Variants in SLC7A14 observed in about 807,000 individuals in gnomAD.
SLC7A14 encodes solute carrier family 7 member 14.
A neutral mutation model predicts 60.2 loss-of-function variants in SLC7A14; 37 were observed. The ratio of observed to expected loss-of-function variants is 0.61; its 90% CI spans 0.47 to 0.81. The LOEUF (loss-of-function observed/expected upper bound fraction) is 0.81. Among genes scored for constraint, SLC7A14 ranks in the 30% least tolerant of loss-of-function variants. The probability of loss-of-function intolerance (pLI) is 0.00; values close to 1 mark genes in which losing one functional copy is unlikely to be tolerated. For missense variants in SLC7A14, 886 were observed against 982.7 expected (o/e 0.90, Z 1.32); for synonymous variants, 399 against 395.8 (o/e 1.01, Z -0.10).
intron 1 of SLC7A14, among the ~76,000 whole-genome samples, chr3:170,574,778 G>T (rs1201320870): frequency 6.6e-6 from 1 of 152,194 alleles, no homozygotes. Flanking sequence ...GAGCCTGAGA[G>T]TGGGAAATGC....
chr3:170,483,379 C>T lies in SLC7A14; in HGVS notation c.1050G>A (p.Leu350=), dbSNP rs770135616. Residue 350 remains leucine (L), a synonymous_variant, in exon 6 of 8, where the codon TTG becomes TTA. Coordinates refer to ENST00000231706, the MANE Select transcript of SLC7A14 (RefSeq NM_020949.3). ...TCGGCATCGGGAAGAGGGACCCCAG[C>T]AAGCTGACTGTCAGTCCTGCAACCG... The part of the protein sequence containing the change: ...IGSVAGLTVS[L]LGSLFPMPRV... 1 of 1,614,080 alleles carries T rather than the reference C, an allele frequency of 6.2e-7. No individual in the cohort carries two copies. Among genetic ancestry groups the T allele is most frequent in the African/African-American group, 1.3e-5 (1 of 74,918 alleles).
intron 1 of SLC7A14, among the ~76,000 whole-genome samples, chr3:170,546,171 T>A (rs780090625): frequency 1.3e-5 from 2 of 152,230 alleles, no homozygotes; most frequent in Non-Finnish European, 2.9e-5. Flanking sequence ...CAGCTGGAGA[T>A]GAAGACTCAC....
At chr3:170,583,776 T>C (rs1715300660) in intron 1 of SLC7A14, among the ~76,000 whole-genome samples, 1 of 152,216 alleles carries the variant, frequency 6.6e-6, no homozygotes, top group African/African-American at 2.4e-5. Flanking sequence ...TTCCATAATA[T>C]TGGAGCTGAA....
chr3:170,526,488 G>T (rs1307843827), intron 2 of SLC7A14, 145 bp downstream of exon 2: 2 of 940,206 alleles, frequency 2.1e-6, no homozygotes, highest in Non-Finnish European at 3.1e-6. Context: ...AACCTCCCTG[G>T]CAGTCAAGGC....
At chr3:170,546,648 C>T (rs1052944415) in intron 1 of SLC7A14, among the ~76,000 whole-genome samples, 1 of 152,200 alleles carries the variant, frequency 6.6e-6, no homozygotes, top group Non-Finnish European at 1.5e-5. Context: ...CTCCAAGCTG[C>T]CTCCTGGAGT....
chr3:170,526,431 GAA>G (rs35594669), intron 2 of SLC7A14, among the ~76,000 whole-genome samples, 200 bp downstream of exon 2: 12 of 137,090 alleles, frequency 8.8e-5, no homozygotes, highest in African/African-American at 1.1e-4. Flanking sequence ...AAAAGAAAAA[GAA>G]AAAAAAAAAA....
rs1327813437 is a variant in SLC7A14 at position 170,577,340 on chromosome 3, C to T, written c.-153+8571G>A. The stretch of plus-strand genomic sequence containing the variant: ...GTATCTAGAAAACCACAGAGGAGGC[C>T]GGGCGCGGTGGCTCACGCCTGTAAT... On this transcript the variant is annotated intron_variant, in intron 1 of 7. Coordinates refer to ENST00000231706, the MANE Select transcript of SLC7A14 (RefSeq NM_020949.3). Among the ~76,000 whole-genome samples, 8 of 152,068 alleles carry T rather than the reference C, an allele frequency of 5.3e-5. No individual in the cohort carries two copies. In the East Asian group the frequency reaches 5.8e-4, roughly 11 times the overall value.
chr3:170,525,834 C>T (rs1401197030), intron 2 of SLC7A14, among the ~76,000 whole-genome samples: 1 of 152,072 alleles, frequency 6.6e-6, no homozygotes, highest in Non-Finnish European at 1.5e-5. Context: ...GCGGGCGGAT[C>T]ACCTCAGCCT....
intron 1 of SLC7A14, among the ~76,000 whole-genome samples, chr3:170,574,871 C>T (rs1277716868): frequency 6.6e-6 from 1 of 152,210 alleles, no homozygotes; most frequent in Non-Finnish European, 1.5e-5. Flanking sequence ...AGTCACCGTA[C>T]TGCTTTTAAC....
At chr3:170,510,688 G>A (rs1712952302) in intron 2 of SLC7A14, among the ~76,000 whole-genome samples, 1 of 152,186 alleles carries the variant, frequency 6.6e-6, no homozygotes, top group Non-Finnish European at 1.5e-5. Flanking sequence ...AGGGTTATCT[G>A]TGCCCCAAGC....
intron 2 of SLC7A14, among the ~76,000 whole-genome samples, chr3:170,521,107 C>A (rs1045801609): frequency 6.6e-6 from 1 of 152,184 alleles, no homozygotes; most frequent in African/African-American, 2.4e-5. Context: ...GTAGATAAGA[C>A]CTTTTGGACA....
intron 3 of SLC7A14, 27 bp downstream of exon 3, chr3:170,501,082 G>A (rs1019549371): frequency 3.1e-6 from 5 of 1,606,546 alleles, no homozygotes; most frequent in Non-Finnish European, 3.4e-6. Context: ...TTTGCATGTT[G>A]AGGGTAGGAG....
At chr3:170,487,289 A>G (rs974734821) in intron 4 of SLC7A14, among the ~76,000 whole-genome samples, 2 of 150,766 alleles carry the variant, frequency 1.3e-5, no homozygotes, top group Non-Finnish European at 2.9e-5. Flanking sequence ...GAAAGAACCT[A>G]TTGAAGTTTA....
chr3:170,565,872 C>G (rs1242096667), intron 1 of SLC7A14, among the ~76,000 whole-genome samples: 1 of 151,970 alleles, frequency 6.6e-6, no homozygotes, highest in East Asian at 1.9e-4. Flanking sequence ...TGGAAAAAAA[C>G]AAGAAATGGG....
intron 2 of SLC7A14, among the ~76,000 whole-genome samples, chr3:170,511,225 C>T (rs1007547161): frequency 2.0e-4 from 30 of 151,942 alleles, no homozygotes; most frequent in Non-Finnish European, 8.8e-5. Context: ...TGGAGAAACC[C>T]CATCTCTAAC....
intron 1 of SLC7A14, among the ~76,000 whole-genome samples, chr3:170,580,857 C>T (rs1216995429): frequency 2.0e-5 from 3 of 152,154 alleles, no homozygotes; most frequent in Non-Finnish European, 1.5e-5. Context: ...TTATTTTCTA[C>T]AATATCTGAG....
intron 2 of SLC7A14, among the ~76,000 whole-genome samples, chr3:170,525,531 G>A (rs915423439): frequency 7.9e-5 from 12 of 152,122 alleles, no homozygotes; most frequent in Admixed American, 1.3e-4. Context: ...TTGGGGGCTC[G>A]ATGCCAGTTT....
chr3:170,526,663 TGAA>T lies in SLC7A14; in HGVS notation c.271_273del (p.Phe91del). On this transcript the variant is annotated inframe_deletion, in exon 2 of 8. Transcript: ENST00000231706. Reference sequence around the variant, plus strand: ...AATATGGATGCGACGGCTGCAATGATGAAGGACACAATGACACCAGGTCCTGCC... The same window carrying T: ...AATATGGATGCGACGGCTGCAATGATGGACACAATGACACCAGGTCCTGCC... 4 of 1,614,206 alleles carry T rather than the reference TGAA, an allele frequency of 2.5e-6. No individual in the cohort carries two copies. The highest frequency in any genetic ancestry group is 3.4e-6 in the Non-Finnish European group (4 of 1,180,040).
chr3:170,533,445 A>G (rs1373696954), intron 1 of SLC7A14, among the ~76,000 whole-genome samples: 2 of 152,228 alleles, frequency 1.3e-5, no homozygotes. Context: ...AGTTTTTGAT[A>G]GCAACTAACA....
Sources: allele counts gnomAD v4.1 joint callset (sites outside exome capture counted in the v4.1 genomes callset), GRCh38; gene constraint gnomAD v4.1.1; transcripts MANE v1.5; gene names NCBI Gene and HGNC (gene_info 2026-07-23, HGNC 2026-07-21).